Variants in TRIM55 observed in about 807,000 individuals in gnomAD.
The protein encoded by TRIM55 is tripartite motif-containing protein 55.
TRIM55 carries 50 observed loss-of-function variants against 60.9 expected under a neutral mutation model. That is an observed-to-expected ratio of 0.82 (90% CI 0.65 to 1.04). The LOEUF is 1.04. Among genes scored for constraint, TRIM55 ranks in the 50% least tolerant of loss-of-function variants. The pLI is 0.00. For synonymous variants in TRIM55, 237 were observed against 238.1 expected, an observed-to-expected ratio of 1.00 and a Z score of 0.04; for missense variants, 681 against 666.9, an observed-to-expected ratio of 1.02 and a Z score of -0.23.
rs1811858478 is a variant in TRIM55 at position 66,175,296 on chromosome 8, T to C, written c.*703T>C. The C allele has an allele frequency of 6.6e-6, 1 of 152,250 alleles. No homozygotes were observed. Among genetic ancestry groups the C allele is most frequent in the Non-Finnish European group, 1.5e-5 (1 of 68,040 alleles). The allele number at this position is 152,250 out of a possible 1,614,324, so 9.4% of individuals were successfully genotyped here. A position where few individuals can be genotyped will look rare whatever the true frequency, so the allele number is the denominator to read the frequency against. On this transcript the variant is annotated 3_prime_UTR_variant, in exon 10 of 10. Transcript: ENST00000315962. ...AGCAAAAGCTGTCTACTTTCTCTTT[T>C]ATTCACTGTGGCACCAATCTGGTAA...
At chr8:66,126,458 T>G (rs1428828262), upstream of TRIM55, among the ~76,000 whole-genome samples, 1 of 152,210 alleles carries the variant, frequency 6.6e-6, no homozygotes, top group Non-Finnish European at 1.5e-5. Context: ...ATACTAGAGT[T>G]GTTTTATAAT....
At chr8:66,160,151 C>G (rs1810965710) in intron 9 of TRIM55, among the ~76,000 whole-genome samples, 1 of 152,164 alleles carries the variant, frequency 6.6e-6, no homozygotes, top group South Asian at 2.1e-4. Context: ...CCAACCCCTA[C>G]TCTTTCTCCC....
intron 4 of TRIM55, among the ~76,000 whole-genome samples, chr8:66,139,387 G>A (rs1446534133): frequency 6.6e-6 from 1 of 152,204 alleles, no homozygotes; most frequent in African/African-American, 2.4e-5. Flanking sequence ...TTGAGCAAAT[G>A]CAAATGATTA....
intron 4 of TRIM55, among the ~76,000 whole-genome samples, chr8:66,145,384 G>A (rs926238902): frequency 3.9e-5 from 6 of 151,952 alleles, no homozygotes; most frequent in African/African-American, 1.2e-4. Context: ...TTTTTGCATA[G>A]AATTATATTA....
intron 9 of TRIM55, among the ~76,000 whole-genome samples, chr8:66,162,054 G>A (rs1811083039): frequency 6.6e-6 from 1 of 151,984 alleles, no homozygotes; most frequent in Admixed American, 6.5e-5. Context: ...CCAGTACTAT[G>A]TTGAATAGAA....
intron 4 of TRIM55, among the ~76,000 whole-genome samples, chr8:66,145,725 A>G (rs1444498088): frequency 1.3e-5 from 2 of 152,008 alleles, no homozygotes; most frequent in Non-Finnish European, 2.9e-5. Flanking sequence ...CAATGGCGCG[A>G]TCTTGGCACA....
upstream of TRIM55, among the ~76,000 whole-genome samples, chr8:66,126,436 A>G (rs953464559): frequency 2.0e-5 from 3 of 152,234 alleles, no homozygotes; most frequent in African/African-American, 7.2e-5. Flanking sequence ...GCAATGTGGA[A>G]GAGCAAACAG....
At chr8:66,174,414 C>T in intron 9 of TRIM55, 57 bp from the exon 10 acceptor site, 1 of 1,572,808 alleles carries the variant, frequency 6.4e-7, no homozygotes, top group African/African-American at 1.4e-5. Context: ...AGTGACTGGA[C>T]CAATCCAAAA....
At chr8:66,132,474 A>C (rs923894014) in intron 2 of TRIM55, among the ~76,000 whole-genome samples, 1 of 152,194 alleles carries the variant, frequency 6.6e-6, no homozygotes, top group South Asian at 2.1e-4. Flanking sequence ...CAGTTTGACT[A>C]CAAAGTTACT....
Position 66,150,430 on chromosome 8 carries a change from G to A in TRIM55, c.949G>A (p.Glu317Lys), listed in dbSNP as rs370294776. 1.2e-6 allele frequency: 2 copies of A among 1,614,016 alleles called. No individual in the cohort carries two copies. The highest frequency in any genetic ancestry group is 8.5e-7 in the Non-Finnish European group (1 of 1,180,030). ...CCACTTCACAGTCAACCTCAATAGA[G>A]AAGAAAAGATAATACGTGAAATTGA... ...MNHFTVNLNR[E>K]EKIIREIDFY... Residue 317 changes from glutamate (E) to lysine (K), a missense_variant, in exon 7 of 10, where the codon GAA becomes AAA. Physicochemically the swap from Glu to Lys is moderately conservative, Grantham distance 56. Transcript: ENST00000315962.
chr8:66,129,834 T>C (rs1275400050), intron 2 of TRIM55, among the ~76,000 whole-genome samples: 1 of 152,222 alleles, frequency 6.6e-6, no homozygotes, highest in African/African-American at 2.4e-5. Flanking sequence ...ACCAACCTAA[T>C]ATTAAGAGAG....
chr8:66,160,308 T>C (rs1810974983), intron 9 of TRIM55, among the ~76,000 whole-genome samples: 1 of 152,106 alleles, frequency 6.6e-6, no homozygotes, highest in Non-Finnish European at 1.5e-5. Context: ...TCCAGGTTGT[T>C]GCAAATGCCC....
intron 4 of TRIM55, among the ~76,000 whole-genome samples, chr8:66,144,822 T>C (rs1031479197): frequency 6.6e-6 from 1 of 152,248 alleles, no homozygotes; most frequent in Admixed American, 6.5e-5. Context: ...ATATGGTTGC[T>C]ATCATGCTTT....
intron 4 of TRIM55, among the ~76,000 whole-genome samples, chr8:66,147,146 T>C (rs1045045418): frequency 6.6e-6 from 1 of 152,238 alleles, no homozygotes; most frequent in African/African-American, 2.4e-5. Context: ...GTCTATAGTC[T>C]TTCTCAGTGA....
intron 4 of TRIM55, among the ~76,000 whole-genome samples, chr8:66,144,127 T>A (rs921638485): frequency 3.3e-5 from 5 of 152,224 alleles, no homozygotes; most frequent in Non-Finnish European, 5.9e-5. Context: ...ATTTCCATGA[T>A]GGCAACAGTT....
chr8:66,173,932 T>C (rs1811779819), intron 9 of TRIM55, among the ~76,000 whole-genome samples: 1 of 152,200 alleles, frequency 6.6e-6, no homozygotes, highest in Non-Finnish European at 1.5e-5. Context: ...CCCATCATGA[T>C]TTGCCCAAAA....
At chr8:66,114,427 AT>A in the TRIM55 span, 1 of 419,964 alleles carries the variant, frequency 2.4e-6, no homozygotes, top group Non-Finnish European at 4.8e-6. Flanking sequence ...CTAGCTTTAA[AT>A]TTTTAGACCC....
At chr8:66,156,030 C>G (rs1810720796) in intron 9 of TRIM55, among the ~76,000 whole-genome samples, 3 of 152,194 alleles carry the variant, frequency 2.0e-5, no homozygotes, top group Admixed American at 1.3e-4. Context: ...AGGCCAGTTT[C>G]AAGTGTCCAT....
chr8:66,133,459 AACAG>A (rs2128974048), intron 2 of TRIM55, among the ~76,000 whole-genome samples: 1 of 152,180 alleles, frequency 6.6e-6, no homozygotes, highest in South Asian at 2.1e-4. Context: ...TAGTGGAGGA[AACAG>A]ACAGACCTGA....
Sources: allele counts gnomAD v4.1 joint callset (sites outside exome capture counted in the v4.1 genomes callset), GRCh38; gene constraint gnomAD v4.1.1; transcripts MANE v1.5; gene names NCBI Gene and HGNC (gene_info 2026-07-23, HGNC 2026-07-21).